ABTB2: variants seen among roughly 807,000 people sequenced by gnomAD.
The protein encoded by ABTB2 is ankyrin repeat and BTB domain containing 2.
ABTB2 carries 56 observed loss-of-function variants against 104.1 expected under a neutral mutation model. That is an observed-to-expected ratio of 0.54 (90% CI 0.43 to 0.67). The LOEUF (loss-of-function observed/expected upper bound fraction) is 0.67. Among genes scored for constraint, ABTB2 ranks in the 30% least tolerant of loss-of-function variants. The probability of loss-of-function intolerance (pLI) is 0.00; values close to 1 mark genes in which losing one functional copy is unlikely to be tolerated. For synonymous variants in ABTB2, 606 were observed against 608.2 expected (o/e 1.00, Z 0.05); for missense variants, 1,279 against 1,407.7 (o/e 0.91, Z 1.46).
chr11:34,252,807 T>C lies in ABTB2; in HGVS notation c.884-48117A>G, dbSNP rs1439877534. Among the ~76,000 whole-genome samples the C allele has an allele frequency of 6.6e-6, 1 of 151,812 alleles. No homozygotes were observed. The highest frequency in any genetic ancestry group is 2.4e-5 in the African/African-American group (1 of 41,302). ...TACCAGGGCCAACTGGACTCCCAGC[T>C]GGGCCAGAGGAGGCTGGGGGACCTC... On this transcript the variant is annotated intron_variant, in intron 1 of 16. Coordinates refer to ENST00000435224, the MANE Select transcript of ABTB2 (RefSeq NM_145804.3). This position sits in a 1 kb window ranked among gnomAD's most constrained non-coding sequence, Gnocchi z 5.5.
At chr11:34,286,588 C>T (rs949151576) in intron 1 of ABTB2, among the ~76,000 whole-genome samples, 7 of 152,048 alleles carry the variant, frequency 4.6e-5, no homozygotes, top group Non-Finnish European at 8.8e-5. Context: ...CCACCATGCC[C>T]GGCCTCAAAA....
At chr11:34,157,077 G>A (rs1034991168) in intron 14 of ABTB2, among the ~76,000 whole-genome samples, 2 of 152,126 alleles carry the variant, frequency 1.3e-5, no homozygotes, top group African/African-American at 4.8e-5. Context: ...GAGTCAATGC[G>A]GTATTTAGGG....
chr11:34,246,681 T>C (rs1424250953), intron 1 of ABTB2, among the ~76,000 whole-genome samples: 1 of 149,540 alleles, frequency 6.7e-6, no homozygotes, highest in Non-Finnish European at 1.5e-5. Context: ...CTTCGCCATT[T>C]CAACTTGCTT....
intron 1 of ABTB2, among the ~76,000 whole-genome samples, chr11:34,223,633 C>T (rs1395775203): frequency 6.6e-6 from 1 of 152,204 alleles, no homozygotes; most frequent in Non-Finnish European, 1.5e-5. Context: ...TTGTGCCTTG[C>T]AGGCAGCAGG....
At chr11:34,168,706 A>G (rs1852834294) in intron 5 of ABTB2, among the ~76,000 whole-genome samples, 1 of 152,236 alleles carries the variant, frequency 6.6e-6, no homozygotes, top group African/African-American at 2.4e-5. Context: ...CCGTCCCACG[A>G]GACGGTAGAG....
chr11:34,181,269 AC>A (rs938837745), intron 3 of ABTB2, among the ~76,000 whole-genome samples: 66 of 152,182 alleles, frequency 4.3e-4, no homozygotes, highest in African/African-American at 1.5e-3. Flanking sequence ...AACAAAAAAA[AC>A]AACCCTGTTG....
intron 1 of ABTB2, among the ~76,000 whole-genome samples, chr11:34,327,224 C>G (rs1034463405): frequency 3.3e-5 from 5 of 152,146 alleles, no homozygotes; most frequent in Non-Finnish European, 7.3e-5. Context: ...AAAAACATTA[C>G]GCAAACGTAT....
chr11:34,174,920 C>A (rs1038021462), intron 3 of ABTB2, among the ~76,000 whole-genome samples: 9 of 152,280 alleles, frequency 5.9e-5, no homozygotes, highest in Admixed American at 5.9e-4. Context: ...TCCTTCCTTA[C>A]AAATTAAGCC....
At chr11:34,155,542 A>G (rs1300681700) in intron 14 of ABTB2, among the ~76,000 whole-genome samples, 1 of 152,256 alleles carries the variant, frequency 6.6e-6, no homozygotes, top group East Asian at 1.9e-4. Context: ...GGCTGGCTGA[A>G]GAAACGGCTC....
chr11:34,195,902 G>A (rs375678604), intron 3 of ABTB2, among the ~76,000 whole-genome samples: 10 of 152,304 alleles, frequency 6.6e-5, no homozygotes, highest in African/African-American at 1.7e-4. Context: ...CAAAGACAGC[G>A]GACAGCCAGG....
In ABTB2 at chr11:34,356,778, A is replaced by G; in HGVS notation, c.806T>C (p.Met269Thr). 1 of 1,611,304 alleles carries G rather than the reference A, an allele frequency of 6.2e-7. No individual in the cohort carries two copies. The highest frequency in any genetic ancestry group is 1.1e-5 in the South Asian group (1 of 90,390). The change falls in exon 1 of 17, where the codon ATG becomes ACG. Residue 269 changes from methionine to threonine, a missense_variant. By Grantham distance (81) the Met-to-Thr change is moderately conservative. Transcript: ENST00000435224. This position sits in a 1 kb window ranked among gnomAD's most constrained non-coding sequence, Gnocchi z 4.6. ...GGEVSAEALEMVINNDAELWG... is the reference protein window; with the variant it reads ...GGEVSAEALETVINNDAELWG... ...GAGCTCGGCGTCGTTGTTGATGACCATCTCCAGGGCCTCAGCAGACACCTC... is the reference window on the plus strand; with the variant it reads ...GAGCTCGGCGTCGTTGTTGATGACCGTCTCCAGGGCCTCAGCAGACACCTC...
intron 1 of ABTB2, among the ~76,000 whole-genome samples, chr11:34,221,723 C>A (rs899028953): frequency 1.3e-5 from 2 of 152,202 alleles, no homozygotes; most frequent in African/African-American, 4.8e-5. Context: ...TCTGTGGAGT[C>A]CCACTCACTC....
intron 1 of ABTB2, among the ~76,000 whole-genome samples, chr11:34,235,374 G>T (rs1853827831): frequency 6.6e-6 from 1 of 152,162 alleles, no homozygotes; most frequent in African/African-American, 2.4e-5. Context: ...TTCTTCATCT[G>T]TAAAGCGGAT....
intron 2 of ABTB2, among the ~76,000 whole-genome samples, chr11:34,199,354 T>TG (rs1250290922): frequency 6.6e-6 from 1 of 152,156 alleles, no homozygotes; most frequent in Non-Finnish European, 1.5e-5. Context: ...TCCATACCGT[T>TG]GGAGTTCAGC....
At chr11:34,270,553 T>G (rs1421765163) in intron 1 of ABTB2, among the ~76,000 whole-genome samples, 8 of 152,230 alleles carry the variant, frequency 5.3e-5, no homozygotes, top group Non-Finnish European at 8.8e-5. Context: ...TTGGCCAGGC[T>G]GTTCTGGAAC....
In ABTB2 at chr11:34,226,778, G is replaced by A. The variant is rs547476016; in HGVS notation, c.884-22088C>T. On this transcript the variant is annotated intron_variant, in intron 1 of 16. Coordinates refer to ENST00000435224, the MANE Select transcript of ABTB2 (RefSeq NM_145804.3). ...TCATCACCCCAAAAAGAAAACGTTT[G>A]GTATGGTATGGGTATGGTAGCTCAC... Among the ~76,000 whole-genome samples, 7 of 152,184 alleles carry A rather than the reference G, an allele frequency of 4.6e-5. No homozygotes were observed. In the South Asian group the frequency reaches 1.2e-3, roughly 27 times the overall value.
intron 1 of ABTB2, among the ~76,000 whole-genome samples, chr11:34,320,640 C>T (rs563789422): frequency 1.4e-4 from 22 of 152,276 alleles, no homozygotes; most frequent in Admixed American, 4.6e-4. Context: ...CTAACCTTCA[C>T]GAAGGACTTA....
chr11:34,170,903 T>C lies in ABTB2; in HGVS notation c.1563+3A>G. ...CTGTCTTTGTGGAGCTCTCAGGACG[T>C]ACCTGGTCATCCATGGTGTTAACCC... On this transcript the variant is annotated splice_donor_region_variant and intron_variant, in intron 5 of 16. Transcript: ENST00000435224. The C allele has an allele frequency of 6.2e-7, 1 of 1,613,268 alleles. No homozygotes were observed.
chr11:34,350,179 C>G (rs182176827), intron 1 of ABTB2, among the ~76,000 whole-genome samples: 1 of 152,138 alleles, frequency 6.6e-6, no homozygotes, highest in Non-Finnish European at 1.5e-5. Context: ...CTCATTCTCT[C>G]CCTGTGCTCT....
Sources: allele counts gnomAD v4.1 joint callset (sites outside exome capture counted in the v4.1 genomes callset), GRCh38; gene constraint gnomAD v4.1.1; non-coding constraint Gnocchi (gnomAD v3.1); transcripts MANE v1.5; gene names NCBI Gene and HGNC (gene_info 2026-07-23, HGNC 2026-07-21).